CALN1: variants seen among roughly 807,000 people sequenced by gnomAD.
CALN1 encodes calcium-binding protein 8.
In CALN1, 17 loss-of-function variants were observed where a neutral mutation model predicts 30.6. That is an observed-to-expected ratio of 0.56 (90% CI 0.38 to 0.83). The LOEUF (loss-of-function observed/expected upper bound fraction) is 0.83, where lower values mean the gene tolerates loss of function less well. Among genes scored for constraint, CALN1 ranks in the 40% least tolerant of loss-of-function variants. The pLI is 0.00. For missense variants in CALN1, 291 were observed against 354.9 expected (o/e 0.82, Z 1.45); for synonymous variants, 156 against 131.4 (o/e 1.19, Z -1.28).
intron 4 of CALN1, among the ~76,000 whole-genome samples, chr7:72,073,391 A>G (rs771922884): frequency 4.6e-5 from 7 of 152,192 alleles, no homozygotes; most frequent in Non-Finnish European, 8.8e-5. Flanking sequence ...AATGGTTACA[A>G]TGGTAAAATT....
chr7:72,371,266 G>A (rs1457617558), intron 2 of CALN1, among the ~76,000 whole-genome samples: 1 of 152,118 alleles, frequency 6.6e-6, no homozygotes, highest in Admixed American at 6.5e-5. Context: ...GAGATCTAAG[G>A]ATTGAAGTAT....
intron 5 of CALN1, among the ~76,000 whole-genome samples, chr7:72,010,065 G>T (rs1339388583): frequency 6.6e-6 from 1 of 152,176 alleles, no homozygotes; most frequent in Non-Finnish European, 1.5e-5. Context: ...GCTGCAATTT[G>T]TAGACAAAGT....
At chr7:72,132,346 A>G (rs1305452548) in intron 3 of CALN1, among the ~76,000 whole-genome samples, 1 of 152,160 alleles carries the variant, frequency 6.6e-6, no homozygotes, top group Non-Finnish European at 1.5e-5. Flanking sequence ...AATTTCTGCA[A>G]TACCGTACTG....
At chr7:71,972,754 A>G (rs1797911860) in intron 5 of CALN1, among the ~76,000 whole-genome samples, 2 of 152,110 alleles carry the variant, frequency 1.3e-5, no homozygotes, top group African/African-American at 4.8e-5. Flanking sequence ...GCAGTGATTG[A>G]TGGGCCGTTA....
intron 2 of CALN1, chr7:72,337,074 C>G: frequency 2.0e-6 from 2 of 985,788 alleles, no homozygotes; most frequent in Non-Finnish European, 2.4e-6. Context: ...CCGCTGGCCG[C>G]GCGGGTTCAG....
intron 1 of CALN1, among the ~76,000 whole-genome samples, chr7:72,419,430 G>C (rs1307869748): frequency 2.0e-5 from 3 of 152,114 alleles, no homozygotes; most frequent in African/African-American, 7.2e-5. Flanking sequence ...ATTTTCCTCA[G>C]GATTCATGTC....
chr7:72,343,546 C>A (rs1209708525), intron 2 of CALN1, among the ~76,000 whole-genome samples: 22 of 144,746 alleles, frequency 1.5e-4, no homozygotes, highest in Non-Finnish European at 1.1e-4. Context: ...GATTCTGTCT[C>A]AAAAAAAAAA....
intron 3 of CALN1, among the ~76,000 whole-genome samples, chr7:72,110,656 CTTTT>C (rs111431336): frequency 1.2e-4 from 17 of 139,794 alleles, no homozygotes; most frequent in Admixed American, 5.1e-4. Context: ...ACCTCACTAA[CTTTT>C]TTTTTTTTTT....
chr7:72,448,591 A>G (rs552028544), upstream of CALN1, among the ~76,000 whole-genome samples: 2 of 151,454 alleles, frequency 1.3e-5, no homozygotes, highest in Non-Finnish European at 2.9e-5. Flanking sequence ...TCTTTAGTCA[A>G]TATGGTGGCA....
chr7:72,361,737 G>A (rs773231271), intron 2 of CALN1, among the ~76,000 whole-genome samples: 31 of 152,100 alleles, frequency 2.0e-4, no homozygotes, highest in Non-Finnish European at 4.1e-4. Context: ...TAAAAAGAAC[G>A]GAAAGGAATA....
intron 5 of CALN1, among the ~76,000 whole-genome samples, chr7:71,974,868 G>C (rs552811138): frequency 6.6e-6 from 1 of 152,304 alleles, no homozygotes; most frequent in African/African-American, 2.4e-5. Flanking sequence ...TTAGCAATTA[G>C]GTTGGAAGCC....
intron 2 of CALN1, among the ~76,000 whole-genome samples, chr7:72,345,356 AGAAGGAAG>A (rs139972680): frequency 1.4e-5 from 2 of 140,430 alleles, no homozygotes; most frequent in African/African-American, 2.6e-5. Context: ...GGAAAGAAAG[AGAAGGAAG>A]GAAGGAAGGA....
In CALN1 at chr7:72,412,326, C is replaced by A. The variant is rs1203607553; in HGVS notation, c.-342G>T. The A allele has an allele frequency of 6.6e-6, 1 of 151,954 alleles. No homozygotes were observed. The highest frequency in any genetic ancestry group is 2.4e-5 in the African/African-American group (1 of 41,254). 9.4% of individuals were successfully genotyped at this position (151,954 alleles called of 1,614,324 possible). A position where few individuals can be genotyped will look rare whatever the true frequency, so the allele number is the denominator to read the frequency against. On this transcript the variant is annotated 5_prime_UTR_variant, in exon 1 of 7. Transcript: ENST00000395275. Reference sequence around the variant, plus strand: ...AAACACAAACTCAAGCGGATAGCACCCCAGCGAGCTTCCCCAGCGGGCTCG... The same window carrying A: ...AAACACAAACTCAAGCGGATAGCACACCAGCGAGCTTCCCCAGCGGGCTCG...
chr7:71,963,306 G>GAA (rs1389770171), intron 5 of CALN1, among the ~76,000 whole-genome samples: 2 of 152,066 alleles, frequency 1.3e-5, no homozygotes, highest in African/African-American at 4.8e-5. Flanking sequence ...GGGATTACAG[G>GAA]TGCACGCCAC....
intron 3 of CALN1, among the ~76,000 whole-genome samples, chr7:72,142,548 G>A (rs1810029371): frequency 6.6e-6 from 1 of 152,208 alleles, no homozygotes; most frequent in South Asian, 2.1e-4. Context: ...CACCTCTGGG[G>A]GCAGGGCATA....
intron 3 of CALN1, among the ~76,000 whole-genome samples, chr7:72,215,764 G>C (rs1792754226): frequency 6.6e-6 from 1 of 152,074 alleles, no homozygotes; most frequent in East Asian, 1.9e-4. Flanking sequence ...CTGCAAAAAA[G>C]AATTCCCTGC....
At chr7:72,082,585 G>A (rs1226185913) in intron 4 of CALN1, among the ~76,000 whole-genome samples, 1 of 152,200 alleles carries the variant, frequency 6.6e-6, no homozygotes, top group African/African-American at 2.4e-5. Context: ...CAAAATGTCA[G>A]CATGGTTCAG....
chr7:71,932,708 C>A (rs1339751139), intron 5 of CALN1, among the ~76,000 whole-genome samples: 1 of 150,092 alleles, frequency 6.7e-6, no homozygotes, highest in African/African-American at 2.5e-5. Flanking sequence ...TCCAGCTACT[C>A]GGGAGGCTGA....
At chr7:71,974,126 G>A (rs1051671237) in intron 5 of CALN1, among the ~76,000 whole-genome samples, 3 of 151,964 alleles carry the variant, frequency 2.0e-5, no homozygotes, top group African/African-American at 7.2e-5. Context: ...TTGCAATAAA[G>A]ACACAGCTTG....
Sources: allele counts gnomAD v4.1 joint callset (sites outside exome capture counted in the v4.1 genomes callset), GRCh38; gene constraint gnomAD v4.1.1; transcripts MANE v1.5; gene names NCBI Gene and HGNC (gene_info 2026-07-23, HGNC 2026-07-21).